EPHX2: variants seen among roughly 807,000 people sequenced by gnomAD.
The protein encoded by EPHX2 is epoxide hydrolase 2.
Under a neutral mutation model 78.7 loss-of-function variants are expected in EPHX2, and 74 were observed. The observed-to-expected ratio is 0.94, with a 90% CI of 0.78 to 1.14. The LOEUF (loss-of-function observed/expected upper bound fraction) is 1.14. Ranked by LOEUF, EPHX2 falls within the 50% of genes most tolerant of loss-of-function variation. The pLI is 0.00. For missense variants in EPHX2, 715 were observed against 702.5 expected, an observed-to-expected ratio of 1.02 and a Z score of -0.20; for synonymous variants, 251 against 255.2, an observed-to-expected ratio of 0.98 and a Z score of 0.16.
At chr8:27,504,916 G>T in intron 3 of EPHX2, 40 bp from the exon 4 acceptor site, 2 of 1,607,862 alleles carry the variant, frequency 1.2e-6, no homozygotes, top group South Asian at 2.2e-5. Flanking sequence ...TCAGGGCAAA[G>T]GTCTGTAGCT....
chr8:27,517,987 T>C (rs1814521161), intron 8 of EPHX2, 51 bp from the exon 9 acceptor site: 2 of 1,440,122 alleles, frequency 1.4e-6, no homozygotes, highest in Admixed American at 2.0e-5. Flanking sequence ...GATGTGTTGA[T>C]ATATTTTAAG....
intron 10 of EPHX2, 25 bp from the exon 11 acceptor site, chr8:27,522,398 G>C (rs776416327): frequency 6.2e-7 from 1 of 1,611,644 alleles, no homozygotes; most frequent in Non-Finnish European, 8.5e-7. Context: ...CCCCACATTC[G>C]GCTCCCTTCT....
chr8:27,537,706 T>C (rs1240032718), intron 13 of EPHX2, among the ~76,000 whole-genome samples: 2 of 152,240 alleles, frequency 1.3e-5, no homozygotes, highest in Non-Finnish European at 2.9e-5. Context: ...TTCTTATTTT[T>C]CAGTTCCTTT....
At chr8:27,545,698 C>G (rs1342275615), downstream of EPHX2, 7 of 152,302 alleles carry the variant, frequency 4.6e-5, no homozygotes, top group Admixed American at 4.6e-4. Context: ...CTGCCTGCCC[C>G]CCTTGCATGG....
At chr8:27,518,800 C>T (rs1248167560) in intron 9 of EPHX2, among the ~76,000 whole-genome samples, 1 of 152,206 alleles carries the variant, frequency 6.6e-6, no homozygotes, top group Non-Finnish European at 1.5e-5. Flanking sequence ...GTAAAAGTTC[C>T]ATTTCCAGGC....
chr8:27,504,442 C>T (rs1208496597), intron 3 of EPHX2, among the ~76,000 whole-genome samples: 2 of 152,220 alleles, frequency 1.3e-5, no homozygotes, highest in African/African-American at 2.4e-5. Flanking sequence ...TCTATGTACA[C>T]TTCTCTAGTT....
chr8:27,504,386 C>G (rs1170273428), intron 3 of EPHX2, among the ~76,000 whole-genome samples: 1 of 152,206 alleles, frequency 6.6e-6, no homozygotes, highest in Non-Finnish European at 1.5e-5. Flanking sequence ...TTGCCTAGTT[C>G]TCACCCTCGC....
intron 1 of EPHX2, among the ~76,000 whole-genome samples, chr8:27,498,662 A>G (rs566848251): frequency 2.2e-4 from 33 of 152,162 alleles, no homozygotes; most frequent in Non-Finnish European, 3.8e-4. Flanking sequence ...ATCACAGCAC[A>G]TAGCACAATG....
At chr8:27,537,820 A>T (rs936631363) in intron 13 of EPHX2, among the ~76,000 whole-genome samples, 7 of 151,966 alleles carry the variant, frequency 4.6e-5, no homozygotes, top group Admixed American at 4.6e-4. Flanking sequence ...AGTCGTATTT[A>T]CTGTTTGCTA....
chr8:27,517,883 C>T (rs1814515539), intron 8 of EPHX2, among the ~76,000 whole-genome samples, 155 bp from the exon 9 acceptor site: 1 of 152,196 alleles, frequency 6.6e-6, no homozygotes, highest in Non-Finnish European at 1.5e-5. Flanking sequence ...AAAGCAAACA[C>T]TCGAGTCTAC....
chr8:27,499,932 C>T (rs1393944075), intron 1 of EPHX2, among the ~76,000 whole-genome samples: 1 of 152,136 alleles, frequency 6.6e-6, no homozygotes, highest in Non-Finnish European at 1.5e-5. Flanking sequence ...GGATTAGAGC[C>T]CACCTGTATG....
At chr8:27,544,362 C>G in intron 18 of EPHX2, 82 bp from the exon 19 acceptor site, 2 of 1,592,888 alleles carry the variant, frequency 1.3e-6, no homozygotes, top group Non-Finnish European at 8.6e-7. Context: ...TCATGTCACT[C>G]ACCTCTGCCT....
At chr8:27,544,327 G>T in intron 18 of EPHX2, 83 bp downstream of exon 18, 5 of 1,599,676 alleles carry the variant, frequency 3.1e-6, no homozygotes, top group South Asian at 2.2e-5. Flanking sequence ...GTTTCATTGT[G>T]CTGGCTTTGG....
intron 1 of EPHX2, among the ~76,000 whole-genome samples, chr8:27,497,613 T>C (rs112452787): frequency 0.29 from 43,538 of 152,128 alleles, 9,115 homozygotes; most frequent in African/African-American, 0.6. Context: ...TTGGAGCTTT[T>C]TCCTGATATC....
chr8:27,545,472 C>G lies in EPHX2; in HGVS notation c.*950C>G, dbSNP rs1815556459. 6.6e-6 allele frequency: 1 copy of G among 152,426 alleles called. No individual in the cohort carries two copies. 9.4% of individuals were successfully genotyped at this position (152,426 alleles called of 1,614,324 possible). A position where few individuals can be genotyped will look rare whatever the true frequency, so the allele number is the denominator to read the frequency against. On this transcript the variant is annotated 3_prime_UTR_variant, in exon 19 of 19. Coordinates refer to ENST00000521400, the MANE Select transcript of EPHX2 (RefSeq NM_001979.6). Reference sequence around the variant, plus strand: ...AGCAGCCTCCTCACGGGTCTTGCCGCCCACATGGTTGGATCCTGAAACTCG... The same window carrying G: ...AGCAGCCTCCTCACGGGTCTTGCCGGCCACATGGTTGGATCCTGAAACTCG...
intron 5 of EPHX2, among the ~76,000 whole-genome samples, chr8:27,508,117 A>G (rs143579669): frequency 6.6e-6 from 1 of 152,274 alleles, no homozygotes; most frequent in African/African-American, 2.4e-5. Context: ...CCTGGCCAAC[A>G]TGGCTACAAC....
At chr8:27,539,652 C>G (rs59551711) in intron 14 of EPHX2, among the ~76,000 whole-genome samples, 2,315 of 152,320 alleles carry the variant, frequency 0.015, 54 homozygotes, top group African/African-American at 0.053. Flanking sequence ...GGGCTGCATG[C>G]TCAGCTACCC....
At chr8:27,497,859 T>A (rs1234634237) in intron 1 of EPHX2, among the ~76,000 whole-genome samples, 1 of 152,210 alleles carries the variant, frequency 6.6e-6, no homozygotes, top group Admixed American at 6.5e-5. Context: ...CCAGTCCCCA[T>A]GATCTGAGTC....
At chr8:27,504,447 C>T (rs1813920860) in intron 3 of EPHX2, among the ~76,000 whole-genome samples, 1 of 152,192 alleles carries the variant, frequency 6.6e-6, no homozygotes, top group Admixed American at 6.5e-5. Flanking sequence ...GTACACTTCT[C>T]TAGTTTTGAA....
Sources: gnomAD v4.1 joint callset for allele counts (sites outside exome capture counted in the v4.1 genomes callset) on GRCh38, gnomAD v4.1.1 for gene constraint, MANE v1.5 for transcripts, NCBI Gene and HGNC (gene_info 2026-07-23, HGNC 2026-07-21) for gene names.